Variants in IQCM observed in about 807,000 individuals in gnomAD.
The protein encoded by IQCM is IQ motif containing M.
Under a neutral mutation model 57.6 loss-of-function variants are expected in IQCM, and 45 were observed. The ratio of observed to expected loss-of-function variants is 0.78; its 90% CI spans 0.62 to 1.00. The LOEUF is 1.00. Ranked by LOEUF, IQCM falls within the 50% of genes least tolerant of loss-of-function variation. IQCM has a pLI of 0.00. For synonymous variants in IQCM, 148 were observed against 158.9 expected, an observed-to-expected ratio of 0.93 and a Z score of 0.51; for missense variants, 468 against 511.6, an observed-to-expected ratio of 0.91 and a Z score of 0.82.
intron 8 of IQCM, among the ~76,000 whole-genome samples, chr4:149,592,812 C>T (rs1049447186): frequency 6.6e-6 from 1 of 152,070 alleles, no homozygotes; most frequent in African/African-American, 2.4e-5. Flanking sequence ...TTCCATTGGT[C>T]TATATCTCTG....
chr4:149,354,363 CAAAAAAAAA>C (rs70965178), intron 13 of IQCM, among the ~76,000 whole-genome samples: 20 of 20,254 alleles, frequency 9.9e-4, no homozygotes, highest in African/African-American at 3.1e-3. Context: ...GACTCCGTCT[CAAAAAAAAA>C]AAAAAAAAAA....
At chr4:149,668,033 C>T (rs1459557203) in intron 7 of IQCM, among the ~76,000 whole-genome samples, 5 of 152,104 alleles carry the variant, frequency 3.3e-5, no homozygotes, top group Admixed American at 6.5e-5. Context: ...ACTTCCCCAA[C>T]CTAGCAAGAC....
At chr4:149,623,452 C>A (rs909069429) in intron 7 of IQCM, among the ~76,000 whole-genome samples, 1 of 152,212 alleles carries the variant, frequency 6.6e-6, no homozygotes, top group East Asian at 1.9e-4. Context: ...ATAACTTTTC[C>A]GCTTCAGGAA....
chr4:149,555,495 C>T (rs1307674438), intron 10 of IQCM, among the ~76,000 whole-genome samples: 1 of 152,202 alleles, frequency 6.6e-6, no homozygotes, highest in Non-Finnish European at 1.5e-5. Flanking sequence ...TACCAATATA[C>T]ATTTTTCAAG....
At chr4:149,472,241 T>A (rs1228088730) in intron 12 of IQCM, among the ~76,000 whole-genome samples, 2 of 152,116 alleles carry the variant, frequency 1.3e-5, no homozygotes, top group African/African-American at 4.8e-5. Context: ...CAGCCCAAAA[T>A]CTCCTTAAGC....
intron 12 of IQCM, among the ~76,000 whole-genome samples, chr4:149,507,950 C>T (rs1327330573): frequency 6.6e-6 from 1 of 151,858 alleles, no homozygotes; most frequent in Non-Finnish European, 1.5e-5. Flanking sequence ...GGACTTGGTG[C>T]CCTGCATTAC....
intron 4 of IQCM, among the ~76,000 whole-genome samples, chr4:149,734,024 T>C (rs940150434): frequency 6.6e-6 from 1 of 152,142 alleles, no homozygotes; most frequent in Non-Finnish European, 1.5e-5. Context: ...TCATATCCTT[T>C]AATCATAATT....
chr4:149,658,016 A>G (rs1331902526), intron 7 of IQCM, among the ~76,000 whole-genome samples: 1 of 151,818 alleles, frequency 6.6e-6, no homozygotes, highest in Non-Finnish European at 1.5e-5. Context: ...AAGCTTTTCA[A>G]TTTGATGTAA....
Position 149,669,508 on chromosome 4 carries a change from T to C in IQCM, c.565+12610A>G, listed in dbSNP as rs559968995. ...AGATCCCATTTGTCAATTTTGGCTT[T>C]TGTTGCCATTGCTTTTGGTGTTTTA... On this transcript the variant is annotated intron_variant, in intron 7 of 13. Transcript: ENST00000636793. Among the ~76,000 whole-genome samples the C allele has an allele frequency of 1.5e-3, 226 of 152,312 alleles. 1 individual carries two copies. Among genetic ancestry groups the C allele is most frequent in the African/African-American group, 5.3e-3 (219 of 41,570 alleles).
intron 5 of IQCM, among the ~76,000 whole-genome samples, chr4:149,692,010 A>C (rs1197038482): frequency 6.6e-6 from 1 of 152,180 alleles, no homozygotes; most frequent in Non-Finnish European, 1.5e-5. Flanking sequence ...AGCAGAGACA[A>C]TTAGTACTCA....
intron 12 of IQCM, among the ~76,000 whole-genome samples, chr4:149,533,128 C>T (rs1180749279): frequency 1.3e-5 from 2 of 151,916 alleles, no homozygotes; most frequent in Non-Finnish European, 2.9e-5. Context: ...AGTTATCAGC[C>T]TAATTATAGT....
At chr4:149,804,960 C>T (rs1053896755) in intron 2 of IQCM, among the ~76,000 whole-genome samples, 1 of 151,998 alleles carries the variant, frequency 6.6e-6, no homozygotes, top group Non-Finnish European at 1.5e-5. Context: ...CTGCTGGGAA[C>T]ATATAACTGC....
At position 149,568,923 on chromosome 4, in the gene IQCM, A is replaced by G. The variant is rs575452796; in HGVS notation, c.750-5033T>C. 1.1e-4 allele frequency among the ~76,000 whole-genome samples: 16 copies of G among 152,298 alleles called. No homozygotes were observed. In the South Asian group the frequency reaches 3.3e-3, roughly 32 times the overall value. On this transcript the variant is annotated intron_variant, in intron 9 of 13. Transcript: ENST00000636793. The stretch of plus-strand genomic sequence containing the variant: ...CCCTACTCATCAAGAGGTGGAGTCT[A>G]TTCACCTACTCTAGGACTATGAGCT...
At chr4:149,446,208 C>A (rs1203667062) in intron 12 of IQCM, among the ~76,000 whole-genome samples, 1 of 151,484 alleles carries the variant, frequency 6.6e-6, no homozygotes, top group East Asian at 1.9e-4. Flanking sequence ...ATAAGCTGTT[C>A]ACACTCTCTC....
chr4:149,723,984 T>A (rs1485029631), intron 5 of IQCM, among the ~76,000 whole-genome samples: 1 of 151,902 alleles, frequency 6.6e-6, no homozygotes, highest in Non-Finnish European at 1.5e-5. Flanking sequence ...TTGTTACTGG[T>A]CTGTTCAGGA....
intron 12 of IQCM, among the ~76,000 whole-genome samples, chr4:149,437,820 G>T (rs781711568): frequency 5.3e-5 from 8 of 152,080 alleles, no homozygotes; most frequent in Non-Finnish European, 1.2e-4. Flanking sequence ...ATTACCGAAG[G>T]ATATTTCAAC....
intron 12 of IQCM, among the ~76,000 whole-genome samples, chr4:149,500,391 T>C (rs1447138237): frequency 6.6e-6 from 1 of 152,196 alleles, no homozygotes; most frequent in Non-Finnish European, 1.5e-5. Context: ...CTGTGAGATG[T>C]AGTGAATTGA....
chr4:149,711,505 G>T (rs916970698), intron 5 of IQCM, among the ~76,000 whole-genome samples: 4 of 152,132 alleles, frequency 2.6e-5, no homozygotes, highest in Non-Finnish European at 4.4e-5. Context: ...GATAATGCAT[G>T]GCTTAATATA....
At chr4:149,788,433 C>T (rs1171459934) in intron 2 of IQCM, among the ~76,000 whole-genome samples, 1 of 152,128 alleles carries the variant, frequency 6.6e-6, no homozygotes, top group Non-Finnish European at 1.5e-5. Flanking sequence ...TTAATCAAAA[C>T]CACAACTGAA....
Sources: gnomAD v4.1 joint callset for allele counts (sites outside exome capture counted in the v4.1 genomes callset) on GRCh38, gnomAD v4.1.1 for gene constraint, MANE v1.5 for transcripts, NCBI Gene and HGNC (gene_info 2026-07-23, HGNC 2026-07-21) for gene names.